SCUBE1: variants seen among roughly 807,000 people sequenced by gnomAD.
SCUBE1 encodes the protein signal peptide, CUB domain and EGF like domain containing 1.
A neutral mutation model predicts 124.4 loss-of-function variants in SCUBE1; 59 were observed. That is an observed-to-expected ratio of 0.47 (90% CI 0.38 to 0.59). The LOEUF (loss-of-function observed/expected upper bound fraction) is 0.59, where lower values mean the gene tolerates loss of function less well. Ranked by LOEUF, SCUBE1 falls within the 20% of genes least tolerant of loss-of-function variation. The probability of loss-of-function intolerance (pLI) is 0.00; values close to 1 mark genes in which losing one functional copy is unlikely to be tolerated. For missense variants in SCUBE1, 1,150 were observed against 1,371.2 expected, an observed-to-expected ratio of 0.84 and a Z score of 2.55; for synonymous variants, 545 against 550.9, an observed-to-expected ratio of 0.99 and a Z score of 0.15.
chr22:43,332,725 C>T (rs770201434), intron 2 of SCUBE1, among the ~76,000 whole-genome samples: 25 of 152,210 alleles, frequency 1.6e-4, no homozygotes, highest in Non-Finnish European at 3.4e-4. Context: ...ATCTGTAGAA[C>T]GCTCAGAGTC....
intron 3 of SCUBE1, among the ~76,000 whole-genome samples, chr22:43,310,224 C>T (rs1287180608): frequency 1.3e-5 from 2 of 152,034 alleles, no homozygotes. Context: ...CCACACTTGT[C>T]CCCCTTCTGC....
chr22:43,267,669 G>A (rs953222541), intron 4 of SCUBE1, among the ~76,000 whole-genome samples: 2 of 152,190 alleles, frequency 1.3e-5, no homozygotes, highest in East Asian at 1.9e-4. Flanking sequence ...GTGACACAGC[G>A]ACCAGGGTGG....
At chr22:43,226,486 C>G (rs534529016) in intron 10 of SCUBE1, among the ~76,000 whole-genome samples, 86 of 152,122 alleles carry the variant, frequency 5.7e-4, no homozygotes, top group African/African-American at 2.0e-3. Context: ...GGTGGAGGCC[C>G]TGCGAAGTCA....
chr22:43,232,152 A>G, intron 7 of SCUBE1: 1 of 442,156 alleles, frequency 2.3e-6, no homozygotes, highest in Non-Finnish European at 4.2e-6. Context: ...GACATTGAGT[A>G]GAGAGGAACT....
At chr22:43,339,845 G>A (rs377692381) in intron 1 of SCUBE1, among the ~76,000 whole-genome samples, 514 of 14,058 alleles carry the variant, frequency 0.037, 6 homozygotes, top group African/African-American at 0.16. Flanking sequence ...CATCACTCCA[G>A]CCCTCCCCTA....
rs762906564 is a variant in SCUBE1 at position 43,227,390 on chromosome 22, G to A, written c.1191C>T (p.Asn397=). Reference sequence around the variant, plus strand: ...GCCACCTACCCACGCAATCCTTCCCGTTCCAGTGGAGCCGCCTCCCCGGGG... The same window carrying A: ...GCCACCTACCCACGCAATCCTTCCCATTCCAGTGGAGCCGCCTCCCCGGGG... ...VCPPGRRLHW[N]GKDCVETGKC... Residue 397 remains asparagine (N), a synonymous_variant, in exon 10 of 22, where the codon AAC becomes AAT. Coordinates refer to ENST00000360835, the MANE Select transcript of SCUBE1 (RefSeq NM_173050.5). 1.9e-6 allele frequency: 3 copies of A among 1,611,214 alleles called. No individual in the cohort carries two copies. Among genetic ancestry groups the A allele is most frequent in the South Asian group, 1.1e-5 (1 of 90,848 alleles).
At chr22:43,339,493 G>A (rs1481485342) in intron 1 of SCUBE1, among the ~76,000 whole-genome samples, 1 of 151,898 alleles carries the variant, frequency 6.6e-6, no homozygotes, top group Non-Finnish European at 1.5e-5. Context: ...TTGAGCTATT[G>A]TTCTGCTAAA....
intron 12 of SCUBE1, 96 bp from the exon 13 acceptor site, chr22:43,221,385 C>T: frequency 3.1e-6 from 2 of 636,532 alleles, no homozygotes; most frequent in East Asian, 2.8e-5. Context: ...CCATCTGGAG[C>T]TGGGGGTGGG....
chr22:43,199,871 G>A lies in SCUBE1; in HGVS notation c.*4126C>T, dbSNP rs151050716. ...GGCACAGCCTAATTCTGGGCAGCAG[G>A]TGAGGCCACCTGGCTGCAGGCTGCC... On this transcript the variant is annotated 3_prime_UTR_variant, in exon 22 of 22. Transcript: ENST00000360835. The A allele has an allele frequency of 7.0e-4, 107 of 152,636 alleles. 1 individual carries two copies. Among genetic ancestry groups the A allele is most frequent in the South Asian group, 1.2e-3 (6 of 4,892 alleles). 9.5% of individuals were successfully genotyped at this position (152,636 alleles called of 1,614,324 possible). A position where few individuals can be genotyped will look rare whatever the true frequency, so the allele number is the denominator to read the frequency against.
At chr22:43,272,717 C>T (rs994592204) in intron 4 of SCUBE1, among the ~76,000 whole-genome samples, 11 of 152,192 alleles carry the variant, frequency 7.2e-5, no homozygotes, top group African/African-American at 2.4e-4. Flanking sequence ...TCACCGGGCA[C>T]GGACATGGGC....
intron 16 of SCUBE1, 87 bp downstream of exon 16, chr22:43,214,002 TG>T: frequency 3.1e-6 from 4 of 1,286,282 alleles, no homozygotes; most frequent in Non-Finnish European, 3.1e-6. Flanking sequence ...ACCAGGCACC[TG>T]GGCCTTCGAC....
intron 15 of SCUBE1, among the ~76,000 whole-genome samples, chr22:43,215,831 G>A (rs1921785054): frequency 6.6e-6 from 1 of 152,134 alleles, no homozygotes; most frequent in African/African-American, 2.4e-5. Context: ...GGACATTGTT[G>A]GAAGGATTGC....
In SCUBE1 at chr22:43,264,562, GT is replaced by G. The variant is rs376775451; in HGVS notation, c.485-1718del. On this transcript the variant is annotated intron_variant, in intron 4 of 21. Coordinates refer to ENST00000360835, the MANE Select transcript of SCUBE1 (RefSeq NM_173050.5). ...GGTCCTCTGGGAGCCTCCTGCCCTG[GT>G]AAGGGTTTGGCCAGTGGGTGGTGGC... Among the ~76,000 whole-genome samples, 42 of 152,284 alleles carry G rather than the reference GT, an allele frequency of 2.8e-4. No individual in the cohort carries two copies. In the East Asian group the frequency reaches 7.7e-3, roughly 28 times the overall value.
intron 21 of SCUBE1, among the ~76,000 whole-genome samples, chr22:43,206,573 G>C (rs1921292035): frequency 6.6e-6 from 1 of 152,212 alleles, no homozygotes; most frequent in Non-Finnish European, 1.5e-5. Flanking sequence ...GCCCAGGTCA[G>C]GGGGTCCGGG....
chr22:43,310,311 C>T (rs562002515), intron 3 of SCUBE1, among the ~76,000 whole-genome samples: 5 of 152,136 alleles, frequency 3.3e-5, no homozygotes, highest in Non-Finnish European at 7.4e-5. Flanking sequence ...TTACCCCGGG[C>T]AGACCTCTGT....
intron 2 of SCUBE1, among the ~76,000 whole-genome samples, chr22:43,325,298 C>T (rs1926685804): frequency 6.6e-6 from 1 of 152,048 alleles, no homozygotes; most frequent in Non-Finnish European, 1.5e-5. Flanking sequence ...ATGCTCCTAG[C>T]CAGGCGTGGT....
At position 43,256,836 on chromosome 22, in the gene SCUBE1, C is replaced by T. The variant is rs1601834309; in HGVS notation, c.727+1383G>A. 3.3e-5 allele frequency among the ~76,000 whole-genome samples: 5 copies of T among 152,068 alleles called. No individual in the cohort carries two copies. The South Asian group carries it at 6.2e-4, about 19-fold the overall frequency. ...GGCCGGACAGTGGAGGGAGAGAGGC[C>T]GGAGGAGAGGAGGTTCTAGATGGGA... On this transcript the variant is annotated intron_variant, in intron 6 of 21. Transcript: ENST00000360835.
At chr22:43,208,383 A>G (rs60459098) in intron 19 of SCUBE1, among the ~76,000 whole-genome samples, 159 bp from the exon 20 acceptor site, 1,757 of 152,178 alleles carry the variant, frequency 0.012, 32 homozygotes, top group African/African-American at 0.04. Flanking sequence ...TCTGCCTCTG[A>G]GGCCCTTCCC....
chr22:43,286,015 C>T (rs1925125351), intron 4 of SCUBE1, among the ~76,000 whole-genome samples: 1 of 152,240 alleles, frequency 6.6e-6, no homozygotes, highest in African/African-American at 2.4e-5. Context: ...TCCTGTGCAG[C>T]ACCTGGCACG....
Sources: gnomAD v4.1 joint callset for allele counts (sites outside exome capture counted in the v4.1 genomes callset) on GRCh38, gnomAD v4.1.1 for gene constraint, MANE v1.5 for transcripts, NCBI Gene and HGNC (gene_info 2026-07-23, HGNC 2026-07-21) for gene names.